COL17A1: variants seen among roughly 807,000 people sequenced by gnomAD.
The protein encoded by COL17A1 is collagen alpha-1(XVII) chain.
Under a neutral mutation model 218.4 loss-of-function variants are expected in COL17A1, and 181 were observed. The ratio of observed to expected loss-of-function variants is 0.83; its 90% CI spans 0.73 to 0.94. The LOEUF (loss-of-function observed/expected upper bound fraction) is 0.94, where lower values mean the gene tolerates loss of function less well. Ranked by LOEUF, COL17A1 falls within the 40% of genes least tolerant of loss-of-function variation. The pLI is 0.00. For synonymous variants in COL17A1, 721 were observed against 731.0 expected (o/e 0.99, Z 0.22); for missense variants, 1,924 against 1,945.9 (o/e 0.99, Z 0.21).
At chr10:104,043,790 A>G (rs769572620) in intron 34 of COL17A1, 35 bp downstream of exon 34, 1 of 1,612,866 alleles carries the variant, frequency 6.2e-7, no homozygotes, top group African/African-American at 1.3e-5. Flanking sequence ...TATAAGAAAG[A>G]CACAGAAAGG....
At chr10:104,054,467 G>A (rs1366848148) in intron 20 of COL17A1, among the ~76,000 whole-genome samples, 4 of 152,096 alleles carry the variant, frequency 2.6e-5, no homozygotes, top group Non-Finnish European at 5.9e-5. Flanking sequence ...GGGGAAGGAG[G>A]GCTGGGACAA....
intron 44 of COL17A1, 94 bp from the exon 45 acceptor site, chr10:104,038,622 G>C: frequency 6.7e-7 from 1 of 1,497,712 alleles, no homozygotes; most frequent in Non-Finnish European, 9.2e-7. Flanking sequence ...AGGAGGGAGG[G>C]TCTTCTCAGG....
In COL17A1 at chr10:104,040,040, C is replaced by A. The variant is rs769660723; in HGVS notation, c.2762-41G>T. The A allele has an allele frequency of 3.1e-6, 5 of 1,612,670 alleles. No individual in the cohort carries two copies. The Middle Eastern group carries it at 4.9e-4, about 160-fold the overall frequency. On this transcript the variant is annotated intron_variant, in intron 40 of 55. Transcript: ENST00000648076. The stretch of plus-strand genomic sequence containing the variant: ...AGAGAGCTATGAGACAGGTACCAAC[C>A]AGGTGTTGTGGTTTCAATGGGCCCA...
At chr10:104,047,912 G>C in intron 30 of COL17A1, 102 bp from the exon 31 acceptor site, 2 of 1,377,642 alleles carry the variant, frequency 1.5e-6, no homozygotes, top group African/African-American at 1.4e-5. Flanking sequence ...TAATTGACTT[G>C]CTGGCAGGTG....
At position 104,043,598 on chromosome 10, in the gene COL17A1, C is replaced by G. The variant is rs376595432; in HGVS notation, c.2435-17G>C. The G allele has an allele frequency of 1.2e-6, 2 of 1,613,546 alleles. No homozygotes were observed. The highest frequency in any genetic ancestry group is 1.7e-6 in the Non-Finnish European group (2 of 1,179,776). ...ATGACCCCTCTGAAAACAGAAGGCACATGGAACATTGAGCCCTACTTTTCT... is the reference window on the plus strand; with the variant it reads ...ATGACCCCTCTGAAAACAGAAGGCAGATGGAACATTGAGCCCTACTTTTCT... On this transcript the variant is annotated splice_polypyrimidine_tract_variant and intron_variant, in intron 34 of 55. Transcript: ENST00000648076.
chr10:104,043,988 A>G, intron 33 of COL17A1, 128 bp from the exon 34 acceptor site: 1 of 1,012,416 alleles, frequency 9.9e-7, no homozygotes, highest in Non-Finnish European at 1.6e-6. Flanking sequence ...GGCTAAAGGC[A>G]TTTTAATGAA....
At chr10:104,065,928 T>C (rs1015311438) in intron 9 of COL17A1, among the ~76,000 whole-genome samples, 1 of 152,182 alleles carries the variant, frequency 6.6e-6, no homozygotes, top group African/African-American at 2.4e-5. Flanking sequence ...CAAAGTTTCT[T>C]AAATCAGCTT....
chr10:104,035,986 G>A (rs989724019), intron 48 of COL17A1, among the ~76,000 whole-genome samples: 1 of 147,474 alleles, frequency 6.8e-6, no homozygotes, highest in Non-Finnish European at 1.5e-5. Context: ...TTATGGGAAT[G>A]CGTGTGTGTA....
chr10:104,051,449 CAG>C, intron 25 of COL17A1, 30 bp downstream of exon 25: 1 of 1,613,706 alleles, frequency 6.2e-7, no homozygotes, highest in African/African-American at 1.3e-5. Context: ...GCCCTGGAAA[CAG>C]AACCTATTTA....
At position 104,061,409 on chromosome 10, in the gene COL17A1, G is replaced by A. The variant is rs759751140; in HGVS notation, c.975C>T (p.Ser325=). 3.2e-5 allele frequency: 51 copies of A among 1,613,360 alleles called. No individual in the cohort carries two copies. Among genetic ancestry groups the A allele is most frequent in the East Asian group, 2.2e-4 (10 of 44,866 alleles). ...GCAGCTGGGAGCAGCACTCACCGGC[G>A]GAGGTGGAAACGCCAGTGTTCACAG... ...PAAVNTGVST[S]AACTTSVQSD... is the part of the protein sequence containing the mutation. Residue 325 remains serine (S), a synonymous_variant, in exon 13 of 56, where the codon TCC becomes TCT. Transcript: ENST00000648076.
chr10:104,055,273 T>C, intron 19 of COL17A1, 99 bp downstream of exon 19: 2 of 1,584,536 alleles, frequency 1.3e-6, no homozygotes, highest in Non-Finnish European at 1.7e-6. Flanking sequence ...CTCTTCATCC[T>C]TCCATTTAGA....
At chr10:104,051,347 AGACTTGAATTCTATATCTCTAG>A in intron 25 of COL17A1, 112 bp downstream of exon 25, 1 of 1,175,292 alleles carries the variant, frequency 8.5e-7, no homozygotes, top group Admixed American at 2.0e-5. Flanking sequence ...ACACACATGC[AGACTTGAATTCTATATCTCTAG>A]GAGGCTTGCT....
intron 1 of COL17A1, 24 bp from the exon 2 acceptor site, chr10:104,080,708 G>A (rs2086757510): frequency 6.2e-7 from 1 of 1,611,510 alleles, no homozygotes. Context: ...CAGAAACCAT[G>A]ATAGTCATAC....
intron 47 of COL17A1, 130 bp from the exon 48 acceptor site, chr10:104,036,762 G>A: frequency 8.5e-7 from 1 of 1,176,870 alleles, no homozygotes; most frequent in Non-Finnish European, 1.2e-6. Flanking sequence ...GGGTCCGCAG[G>A]ACCACGGTGT....
intron 43 of COL17A1, 25 bp downstream of exon 43, chr10:104,039,420 A>G: frequency 6.2e-7 from 1 of 1,611,488 alleles, no homozygotes. Context: ...ACTCCTCACC[A>G]CCTTCTCACT....
rs780132995 is a variant in COL17A1, at chr10:104,033,296, G to C, written c.4236C>G (p.Ile1412Met). 13 of 1,602,278 alleles carry C rather than the reference G, an allele frequency of 8.1e-6. No homozygotes were observed. The South Asian group carries it at 1.4e-4, about 17-fold the overall frequency. The change falls in exon 53 of 56, where the codon ATC becomes ATG. Residue 1412 changes from isoleucine to methionine, a missense_variant. Coordinates refer to ENST00000648076, the MANE Select transcript of COL17A1 (RefSeq NM_000494.4). ...TGCTGTAGGCAGAGAAGACCTTGCT[G>C]ATGCCGGGTGGCCCCTGTGGCCCAG... Reference protein sequence around the residue: ...GQPGPQGPPGISKVFSAYSNV... With the variant: ...GQPGPQGPPGMSKVFSAYSNV...
rs1239882280 is a variant in COL17A1, at chr10:104,041,052, T to A, written c.2701+13A>T. Reference sequence around the variant, plus strand: ...AGGTGGAGAACAGGTGCGACTTGACTCCCTGACATTACCTGAGTTGGACAG... The same window carrying A: ...AGGTGGAGAACAGGTGCGACTTGACACCCTGACATTACCTGAGTTGGACAG... On this transcript the variant is annotated intron_variant, in intron 39 of 55. Transcript: ENST00000648076. The A allele has an allele frequency of 6.2e-7, 1 of 1,613,986 alleles. No homozygotes were observed. The highest frequency in any genetic ancestry group is 1.3e-5 in the African/African-American group (1 of 74,900).
intron 9 of COL17A1, among the ~76,000 whole-genome samples, chr10:104,066,977 G>A (rs1043832508): frequency 4.6e-5 from 7 of 152,166 alleles, no homozygotes; most frequent in African/African-American, 1.7e-4. Context: ...GTGTAGCAAA[G>A]CAGCTAGATC....
At chr10:104,084,107 C>G (rs2086787756) in intron 1 of COL17A1, among the ~76,000 whole-genome samples, 1 of 152,128 alleles carries the variant, frequency 6.6e-6, no homozygotes, top group Admixed American at 6.5e-5. Context: ...ATTTGGTATC[C>G]TGGATTTTCA....
Sources: allele counts gnomAD v4.1 joint callset (sites outside exome capture counted in the v4.1 genomes callset), GRCh38; gene constraint gnomAD v4.1.1; transcripts MANE v1.5; gene names NCBI Gene and HGNC (gene_info 2026-07-23, HGNC 2026-07-21).